NEK7: variants seen among roughly 807,000 people sequenced by gnomAD.
NEK7 encodes serine/threonine-protein kinase Nek7.
NEK7 carries 18 observed loss-of-function variants against 44.6 expected under a neutral mutation model. That is an observed-to-expected ratio of 0.40 (90% CI 0.28 to 0.60). The LOEUF is 0.60. Among genes scored for constraint, NEK7 ranks in the 20% least tolerant of loss-of-function variants. The pLI, the probability that NEK7 is intolerant of heterozygous loss-of-function variation, is 0.38. For synonymous variants in NEK7, 130 were observed against 121.1 expected (o/e 1.07, Z -0.48); for missense variants, 256 against 366.5 (o/e 0.70, Z 2.46).
intron 2 of NEK7, among the ~76,000 whole-genome samples, chr1:198,251,421 C>T (rs1362716777): frequency 7.7e-6 from 1 of 130,602 alleles, no homozygotes; most frequent in Non-Finnish European, 1.6e-5. Flanking sequence ...CTCTCTTTTT[C>T]TGTTGATTGG....
intron 2 of NEK7, among the ~76,000 whole-genome samples, chr1:198,252,568 A>ATATATATATATATATATATAT (rs1491101432): frequency 1.6e-5 from 1 of 63,332 alleles, no homozygotes; most frequent in African/African-American, 6.6e-5. Context: ...ATATATATAT[A>ATATATATATATATATATATAT]AAAAGTACAT....
intron 9 of NEK7, among the ~76,000 whole-genome samples, chr1:198,302,069 A>T (rs939659733): frequency 2.0e-5 from 3 of 152,206 alleles, no homozygotes; most frequent in African/African-American, 7.2e-5. Flanking sequence ...CAGTTTCCAC[A>T]TCACTTAATG....
intron 3 of NEK7, among the ~76,000 whole-genome samples, chr1:198,261,920 G>A (rs1653487709): frequency 6.6e-6 from 1 of 151,702 alleles, no homozygotes; most frequent in Non-Finnish European, 1.5e-5. Flanking sequence ...CTGTTTATGT[G>A]TAGTACTGTA....
At position 198,186,441 on chromosome 1, in the gene NEK7, T is replaced by C. The variant is rs182752452; in HGVS notation, c.-29+29165T>C. On this transcript the variant is annotated intron_variant, in intron 1 of 9. Coordinates refer to ENST00000367385, the MANE Select transcript of NEK7 (RefSeq NM_133494.3). ...GTTTTGTATTGTTATTTGCCAGTTA[T>C]CATACAGGCTGGCAAGGAATGCTGA... Among the ~76,000 whole-genome samples the C allele has an allele frequency of 1.4e-3, 212 of 152,334 alleles. 2 individuals carry two copies. The highest frequency in any genetic ancestry group is 0.013 in the Admixed American group (192 of 15,294).
At chr1:198,279,919 G>A (rs549941658) in intron 7 of NEK7, among the ~76,000 whole-genome samples, 1 of 151,972 alleles carries the variant, frequency 6.6e-6, no homozygotes, top group East Asian at 1.9e-4. Flanking sequence ...AACGTAAGTA[G>A]GTACTCAATT....
chr1:198,303,508 A>T (rs1444457576), intron 9 of NEK7, among the ~76,000 whole-genome samples: 1 of 152,100 alleles, frequency 6.6e-6, no homozygotes, highest in Non-Finnish European at 1.5e-5. Flanking sequence ...AACAAGATGA[A>T]AGTGTCAGGT....
At chr1:198,233,441 T>C (rs1379546210) in intron 2 of NEK7, among the ~76,000 whole-genome samples, 1 of 152,202 alleles carries the variant, frequency 6.6e-6, no homozygotes, top group East Asian at 1.9e-4. Context: ...TTTATTGCTG[T>C]TGTTCCTGAA....
intron 7 of NEK7, among the ~76,000 whole-genome samples, chr1:198,280,105 G>C (rs569941670): frequency 1.3e-5 from 2 of 151,984 alleles, no homozygotes; most frequent in Non-Finnish European, 2.9e-5. Context: ...TTTTCATAGA[G>C]CGTTATAATT....
At chr1:198,279,239 G>A (rs1654115579) in intron 7 of NEK7, among the ~76,000 whole-genome samples, 178 bp downstream of exon 7, 1 of 151,646 alleles carries the variant, frequency 6.6e-6, no homozygotes, top group African/African-American at 2.4e-5. Flanking sequence ...TAATATGACA[G>A]TTGGATACTT....
chr1:198,295,451 G>T, intron 8 of NEK7, among the ~76,000 whole-genome samples: 1 of 152,118 alleles, frequency 6.6e-6, no homozygotes, highest in East Asian at 1.9e-4. Flanking sequence ...TTCAGCTGCT[G>T]GGAGGAGAGG....
At chr1:198,216,175 G>A (rs1029215102) in intron 1 of NEK7, among the ~76,000 whole-genome samples, 2 of 151,992 alleles carry the variant, frequency 1.3e-5, no homozygotes, top group Non-Finnish European at 2.9e-5. Flanking sequence ...TAGACCATAT[G>A]ATAGGCCACA....
At chr1:198,301,377 C>T (rs937367548) in intron 9 of NEK7, among the ~76,000 whole-genome samples, 2 of 152,072 alleles carry the variant, frequency 1.3e-5, no homozygotes, top group Admixed American at 6.5e-5. Flanking sequence ...GGTGAAACCC[C>T]GTCTCTACTA....
chr1:198,291,352 ATTTCCAATAATTGG>A (rs931668247), intron 7 of NEK7, among the ~76,000 whole-genome samples: 4 of 152,176 alleles, frequency 2.6e-5, no homozygotes, highest in African/African-American at 9.7e-5. Flanking sequence ...ATGTGTGAAT[ATTTCCAATAATTGG>A]TGTCACTTAT....
Position 198,293,026 on chromosome 1 carries a change from G to A in NEK7, c.671G>A (p.Cys224Tyr). ...AAATCTGACATCTGGTCTCTTGGCT[G>A]TCTACTATATGAGGTAGGTAATGTT... ...NFKSDIWSLGCLLYEMAALQS... is the reference protein window; with the variant it reads ...NFKSDIWSLGYLLYEMAALQS... Residue 224 changes from cysteine (C) to tyrosine (Y), a missense_variant, in exon 8 of 10, where the codon TGT (cysteine) becomes TAT (tyrosine). Around this residue, in one of 3 missense-constraint regions of NEK7, gnomAD observed 102 missense variants for 205.2 expected, o/e 0.50. Coordinates refer to ENST00000367385, the MANE Select transcript of NEK7 (RefSeq NM_133494.3). 3 of 1,550,270 alleles carry A rather than the reference G, an allele frequency of 1.9e-6. No individual in the cohort carries two copies. Among genetic ancestry groups the A allele is most frequent in the Non-Finnish European group, 2.7e-6 (3 of 1,122,402 alleles).
rs1409519850 is a variant in NEK7 at position 198,210,828 on chromosome 1, C to A, written c.-28-21725C>A. Among the ~76,000 whole-genome samples the A allele has an allele frequency of 5.1e-5, 7 of 136,074 alleles. No individual in the cohort carries two copies. The East Asian group carries it at 1.7e-3, about 33-fold the overall frequency. The allele number at this position is 136,074 out of a possible 152,430, so 89.3% of individuals were successfully genotyped here. A position where few individuals can be genotyped will look rare whatever the true frequency, so the allele number is the denominator to read the frequency against. On this transcript the variant is annotated intron_variant, in intron 1 of 9. Transcript: ENST00000367385. ...AGTGCAGTGGCGCAATCTTGGCTCA[C>A]TGCAAGCTCCGCCTCCCGGGTTCAC...
In NEK7 at chr1:198,252,550, ATATATATATATATATAT is replaced by A. The variant is rs1558079167; in HGVS notation, c.58-489_58-473del. ...ATACTATATATATATATATATATAT[ATATATATATATATATAT>A]AAAAAGTACATATATACACATATAT... On this transcript the variant is annotated intron_variant, in intron 2 of 9. Transcript: ENST00000367385. Among the ~76,000 whole-genome samples the A allele has an allele frequency of 7.1e-4, 43 of 60,418 alleles. 2 individuals carry two copies. Among genetic ancestry groups the A allele is most frequent in the East Asian group, 2.4e-3 (4 of 1,648 alleles). 39.6% of individuals were successfully genotyped at this position (60,418 alleles called of 152,430 possible).
intron 1 of NEK7, among the ~76,000 whole-genome samples, chr1:198,192,793 C>T (rs1665117662): frequency 6.6e-6 from 1 of 152,082 alleles, no homozygotes; most frequent in Admixed American, 6.5e-5. Flanking sequence ...GTGAGAATCT[C>T]TGGGACTCAG....
chr1:198,164,496 T>TGAATCTTGCAATAAAGC (rs1293498998), intron 1 of NEK7, among the ~76,000 whole-genome samples: 1 of 152,226 alleles, frequency 6.6e-6, no homozygotes, highest in Non-Finnish European at 1.5e-5. Flanking sequence ...TGCAATAAAG[T>TGAATCTTGCAATAAAGC]GAATCTTGCA....
intron 1 of NEK7, among the ~76,000 whole-genome samples, chr1:198,163,633 T>C (rs1367511126): frequency 1.3e-5 from 2 of 152,230 alleles, no homozygotes; most frequent in Non-Finnish European, 1.5e-5. Flanking sequence ...AGTCAATAAA[T>C]ACATGTAAAT....
Sources: gnomAD v4.1 joint callset for allele counts (sites outside exome capture counted in the v4.1 genomes callset) on GRCh38, gnomAD v4.1.1 for gene constraint, gnomAD v4.1.1 regional missense constraint, MANE v1.5 for transcripts, NCBI Gene and HGNC (gene_info 2026-07-23, HGNC 2026-07-21) for gene names.